Variants in PCNP observed in about 807,000 individuals in gnomAD.
The protein encoded by PCNP is PEST proteolytic signal-containing nuclear protein.
In PCNP, 6 loss-of-function variants were observed where a neutral mutation model predicts 21.8. That is an observed-to-expected ratio of 0.28 (90% CI 0.15 to 0.54). The LOEUF (loss-of-function observed/expected upper bound fraction) is 0.54, where lower values mean the gene tolerates loss of function less well. PCNP is among the 20% of genes least tolerant of loss of function. The pLI is 0.95. For missense variants in PCNP, 161 were observed against 215.5 expected, an observed-to-expected ratio of 0.75 and a Z score of 1.58; for synonymous variants, 67 against 73.2, an observed-to-expected ratio of 0.92 and a Z score of 0.43.
chr3:101,584,903 C>G (rs1170121335), intron 2 of PCNP, among the ~76,000 whole-genome samples: 1 of 152,164 alleles, frequency 6.6e-6, no homozygotes, highest in African/African-American at 2.4e-5. Context: ...ATTCAGGACG[C>G]CAAGTCATGA....
At chr3:101,586,571 T>TGAGAGAGAGAGAGAGAGTTTCTTGTTTCA (rs1935529934) in intron 3 of PCNP, among the ~76,000 whole-genome samples, 17 of 114,156 alleles carry the variant, frequency 1.5e-4, no homozygotes, top group Admixed American at 4.5e-4. Context: ...TGTGTGTGTG[T>TGAGAGAGAGAGAGAGAGTTTCTTGTTTCA]GAGAGAGAGA....
intron 1 of PCNP, among the ~76,000 whole-genome samples, chr3:101,578,496 T>C (rs1935048211): frequency 6.6e-6 from 1 of 152,244 alleles, no homozygotes; most frequent in Non-Finnish European, 1.5e-5. Flanking sequence ...GTGCTATCTT[T>C]GTCTCTTAGG....
intron 3 of PCNP, 104 bp downstream of exon 3, chr3:101,585,615 A>G (rs1190455820): frequency 3.1e-6 from 2 of 650,554 alleles, no homozygotes; most frequent in Non-Finnish European, 5.2e-6. Flanking sequence ...TTTCTTTATA[A>G]TAGTTTTTGT....
intron 2 of PCNP, among the ~76,000 whole-genome samples, chr3:101,584,821 C>A (rs1020052285): frequency 6.6e-6 from 1 of 152,042 alleles, no homozygotes. Context: ...GCCAACATGG[C>A]GAAACCTCGT....
At chr3:101,589,480 G>A (rs569592877) in intron 3 of PCNP, among the ~76,000 whole-genome samples, 2 of 150,376 alleles carry the variant, frequency 1.3e-5, no homozygotes, top group East Asian at 2.0e-4. Context: ...GCACGATCTC[G>A]GCTCACTGCA....
intron 1 of PCNP, chr3:101,579,514 G>GTGTTTA: frequency 1.7e-6 from 1 of 579,086 alleles, no homozygotes; most frequent in Middle Eastern, 3.4e-4. Flanking sequence ...ACAAATTGTA[G>GTGTTTA]TGTTTAGTTG....
At chr3:101,588,157 G>T (rs1935627760) in intron 3 of PCNP, among the ~76,000 whole-genome samples, 1 of 152,154 alleles carries the variant, frequency 6.6e-6, no homozygotes, top group Admixed American at 6.5e-5. Context: ...TGTAATCCCG[G>T]CTACTCGGGA....
At chr3:101,585,381 C>T (rs993544832) in intron 2 of PCNP, 56 bp from the exon 3 acceptor site, 6 of 998,164 alleles carry the variant, frequency 6.0e-6, no homozygotes, top group Non-Finnish European at 7.7e-6. Context: ...TATCATTAAA[C>T]AAGCTTGTAT....
At chr3:101,579,392 C>A (rs556582379) in intron 1 of PCNP, among the ~76,000 whole-genome samples, 1 of 152,082 alleles carries the variant, frequency 6.6e-6, no homozygotes, top group African/African-American at 2.4e-5. Context: ...ATTTATTAGC[C>A]AAGTGTATTA....
chr3:101,587,904 A>G (rs1281680188), intron 3 of PCNP, among the ~76,000 whole-genome samples: 1 of 152,196 alleles, frequency 6.6e-6, no homozygotes. Context: ...TTGAATGCCT[A>G]ACGATTTGGA....
At chr3:101,592,587 T>C (rs1935873644) in intron 4 of PCNP, 40 bp from the exon 5 acceptor site, 1 of 1,530,250 alleles carries the variant, frequency 6.5e-7, no homozygotes, top group East Asian at 2.3e-5. Flanking sequence ...TGAAAGGCTT[T>C]ATATAACATT....
chr3:101,581,308 A>G (rs1935208372), intron 2 of PCNP, among the ~76,000 whole-genome samples: 1 of 152,142 alleles, frequency 6.6e-6, no homozygotes, highest in Non-Finnish European at 1.5e-5. Context: ...AGTATGTTAA[A>G]TATATATTCT....
chr3:101,576,683 C>T (rs1934917188), intron 1 of PCNP: 5 of 1,612,208 alleles, frequency 3.1e-6, no homozygotes, highest in Non-Finnish European at 4.2e-6. Context: ...TCCTTTACAT[C>T]CTTCTGTCTG....
intron 1 of PCNP, chr3:101,576,462 A>G: frequency 1.4e-6 from 2 of 1,463,938 alleles, no homozygotes; most frequent in Non-Finnish European, 1.9e-6. Context: ...TATATAAACT[A>G]TTTATTAACA....
chr3:101,574,193 C>T lies in PCNP; in HGVS notation c.-23C>T, dbSNP rs1348766057. 4.5e-6 allele frequency: 7 copies of T among 1,548,572 alleles called. No homozygotes were observed. The highest frequency in any genetic ancestry group is 2.4e-5 in the South Asian group (2 of 83,724). On this transcript the variant is annotated 5_prime_UTR_variant, in exon 1 of 5. Transcript: ENST00000265260. ...GGTCGTGACGTCCTTGGCGTGGCTG[C>T]AGGGGAGGCCGCGGCGGGGAAAATG...
rs1199824712 is a variant in PCNP at position 101,594,036 on chromosome 3, T to C, written c.*1283T>C. ...GTATAAAAATTTCCTTGAAAACTCCTACAATATTATATTTGGAGGCAGCTT... is the reference window on the plus strand; with the variant it reads ...GTATAAAAATTTCCTTGAAAACTCCCACAATATTATATTTGGAGGCAGCTT... On this transcript the variant is annotated 3_prime_UTR_variant, in exon 5 of 5. Coordinates refer to ENST00000265260, the MANE Select transcript of PCNP (RefSeq NM_020357.3). 1 of 152,566 alleles carries C rather than the reference T, an allele frequency of 6.6e-6. No individual in the cohort carries two copies. The highest frequency in any genetic ancestry group is 1.5e-5 in the Non-Finnish European group (1 of 68,032). The allele number at this position is 152,566 out of a possible 1,614,324, so 9.5% of individuals were successfully genotyped here. A position where few individuals can be genotyped will look rare whatever the true frequency, so the allele number is the denominator to read the frequency against.
At position 101,594,455 on chromosome 3, in the gene PCNP, A is replaced by G. The variant is rs1275042614; in HGVS notation, c.*1702A>G. The G allele has an allele frequency of 1.3e-5, 2 of 152,280 alleles. No homozygotes were observed. The highest frequency in any genetic ancestry group is 3.8e-4 in the East Asian group (2 of 5,202). The allele number at this position is 152,280 out of a possible 1,614,324, so 9.4% of individuals were successfully genotyped here. A position where few individuals can be genotyped will look rare whatever the true frequency, so the allele number is the denominator to read the frequency against. The stretch of plus-strand genomic sequence containing the variant: ...AAACTCAATAGTGTTTTTATTTTCT[A>G]TTCCATTTAATTGTTGCTTACTGGT... On this transcript the variant is annotated 3_prime_UTR_variant, in exon 5 of 5. Coordinates refer to ENST00000265260, the MANE Select transcript of PCNP (RefSeq NM_020357.3).
intron 1 of PCNP, among the ~76,000 whole-genome samples, chr3:101,577,159 T>C (rs1934962537): frequency 6.6e-6 from 1 of 152,244 alleles, no homozygotes; most frequent in African/African-American, 2.4e-5. Context: ...AAGCTACTTA[T>C]TTGAACTACC....
chr3:101,589,081 AATG>A (rs1485321330), intron 3 of PCNP, among the ~76,000 whole-genome samples: 1 of 152,334 alleles, frequency 6.6e-6, no homozygotes, highest in Admixed American at 6.5e-5. Context: ...AGGTTTGCCA[AATG>A]ATGATTTTTC....
Sources: gnomAD v4.1 joint callset for allele counts (sites outside exome capture counted in the v4.1 genomes callset) on GRCh38, gnomAD v4.1.1 for gene constraint, MANE v1.5 for transcripts, NCBI Gene and HGNC (gene_info 2026-07-23, HGNC 2026-07-21) for gene names.